The following ZFAND3 variants were observed in gnomAD, a reference collection of about 807,000 sequenced individuals.
ZFAND3 encodes zinc finger AN1-type containing 3, also known as AN1-type zinc finger protein 3.
A neutral mutation model predicts 29.6 loss-of-function variants in ZFAND3; 10 were observed. The observed-to-expected ratio is 0.34, with a 90% CI of 0.21 to 0.57. ZFAND3 has a LOEUF of 0.57. Ranked by LOEUF, ZFAND3 falls within the 20% of genes least tolerant of loss-of-function variation. The pLI, the probability that ZFAND3 is intolerant of heterozygous loss-of-function variation, is 0.86. For synonymous variants in ZFAND3, 128 were observed against 112.6 expected (o/e 1.14, Z -0.87); for missense variants, 230 against 304.5 (o/e 0.76, Z 1.82).
intron 2 of ZFAND3, among the ~76,000 whole-genome samples, chr6:38,034,694 A>G (rs1007136585): frequency 3.9e-5 from 6 of 152,182 alleles, no homozygotes; most frequent in African/African-American, 9.7e-5. Context: ...CTCCCCAAAT[A>G]GGGACTTCTA....
At chr6:37,926,375 A>T (rs1240387791) in intron 1 of ZFAND3, among the ~76,000 whole-genome samples, 1 of 152,024 alleles carries the variant, frequency 6.6e-6, no homozygotes, top group Non-Finnish European at 1.5e-5. Context: ...TCCATTCTTC[A>T]CCTCTTCCAG....
chr6:37,873,534 A>G (rs1051788404), intron 1 of ZFAND3, among the ~76,000 whole-genome samples: 1 of 145,794 alleles, frequency 6.9e-6, no homozygotes, highest in African/African-American at 2.7e-5. Context: ...TCCGTCACAT[A>G]AGTTCTTGCT....
chr6:38,061,894 A>C, intron 3 of ZFAND3, 119 bp downstream of exon 3: 1 of 1,227,382 alleles, frequency 8.1e-7, no homozygotes, highest in Non-Finnish European at 1.1e-6. Flanking sequence ...ATAAGTGTCC[A>C]CATACAAGGC....
At chr6:37,844,668 G>T (rs1230344742) in intron 1 of ZFAND3, among the ~76,000 whole-genome samples, 1 of 151,918 alleles carries the variant, frequency 6.6e-6, no homozygotes, top group African/African-American at 2.4e-5. Context: ...GCTGGCTGAG[G>T]TTCTGCTTAC....
chr6:38,087,565 A>G (rs1385747517), intron 4 of ZFAND3, among the ~76,000 whole-genome samples: 2 of 152,238 alleles, frequency 1.3e-5, no homozygotes, highest in Admixed American at 1.3e-4. Flanking sequence ...AGACCTATGA[A>G]TGGCAAACAG....
intron 1 of ZFAND3, among the ~76,000 whole-genome samples, chr6:37,906,981 C>G (rs765039061): frequency 6.6e-6 from 1 of 151,786 alleles, no homozygotes; most frequent in Admixed American, 6.6e-5. Flanking sequence ...AAATTTATTT[C>G]GGAATATAAA....
intron 3 of ZFAND3, among the ~76,000 whole-genome samples, chr6:38,070,281 T>C (rs1475141697): frequency 6.6e-6 from 1 of 151,932 alleles, no homozygotes; most frequent in African/African-American, 2.4e-5. Flanking sequence ...AAAATTAGCC[T>C]GGCATGGTGT....
intron 2 of ZFAND3, among the ~76,000 whole-genome samples, chr6:37,945,613 G>C (rs1761887720): frequency 6.6e-6 from 1 of 152,128 alleles, no homozygotes; most frequent in African/African-American, 2.4e-5. Flanking sequence ...GAACTCCAGT[G>C]ATCCACCTGC....
intron 1 of ZFAND3, among the ~76,000 whole-genome samples, chr6:37,830,160 C>T (rs779502833): frequency 7.9e-5 from 12 of 151,954 alleles, no homozygotes; most frequent in Admixed American, 3.9e-4. Context: ...TTTAAAGTTG[C>T]GGTGCAGAAA....
At chr6:37,972,752 T>G (rs764609664) in intron 2 of ZFAND3, among the ~76,000 whole-genome samples, 2 of 152,076 alleles carry the variant, frequency 1.3e-5, no homozygotes, top group Non-Finnish European at 2.9e-5. Context: ...CTGAAGGTAC[T>G]TAAAATGGGT....
chr6:38,020,583 G>A (rs891380848), intron 2 of ZFAND3, among the ~76,000 whole-genome samples: 2 of 152,202 alleles, frequency 1.3e-5, no homozygotes, highest in Non-Finnish European at 2.9e-5. Context: ...GTAATGGCAT[G>A]TGGATAAAAA....
intron 2 of ZFAND3, among the ~76,000 whole-genome samples, chr6:38,002,231 T>C (rs1452078842): frequency 6.6e-6 from 1 of 151,772 alleles, no homozygotes; most frequent in African/African-American, 2.4e-5. Context: ...ACAAAGATGA[T>C]ACCCTCAGGA....
chr6:37,926,063 G>A (rs1761478559), intron 1 of ZFAND3, among the ~76,000 whole-genome samples: 1 of 152,196 alleles, frequency 6.6e-6, no homozygotes, highest in Non-Finnish European at 1.5e-5. Flanking sequence ...AGGAGCAGTA[G>A]CAAAGGTGGC....
chr6:38,127,595 T>C (rs1378811820), intron 5 of ZFAND3, among the ~76,000 whole-genome samples: 1 of 152,162 alleles, frequency 6.6e-6, no homozygotes, highest in East Asian at 1.9e-4. Context: ...TGTTTAGAAA[T>C]GCTTTGTTTG....
chr6:38,046,615 T>A (rs1209905088), intron 2 of ZFAND3, among the ~76,000 whole-genome samples: 2 of 152,158 alleles, frequency 1.3e-5, no homozygotes, highest in Admixed American at 1.3e-4. Context: ...AATAAAAAAA[T>A]TTAATACATT....
chr6:38,049,742 A>G (rs182222072), intron 2 of ZFAND3, among the ~76,000 whole-genome samples: 1 of 152,242 alleles, frequency 6.6e-6, no homozygotes, highest in East Asian at 1.9e-4. Context: ...TCCCCCTGAT[A>G]TGCTTTAATA....
chr6:37,914,054 T>A (rs1761183866), intron 1 of ZFAND3, among the ~76,000 whole-genome samples: 1 of 152,112 alleles, frequency 6.6e-6, no homozygotes, highest in Non-Finnish European at 1.5e-5. Context: ...AATGTATTTC[T>A]TAATAAGACT....
chr6:37,875,720 G>T (rs539570567), intron 1 of ZFAND3, among the ~76,000 whole-genome samples: 19 of 151,394 alleles, frequency 1.3e-4, no homozygotes, highest in Non-Finnish European at 2.2e-4. Context: ...GTGCAGTGGG[G>T]CAATCACAGT....
rs148851693 is a variant in ZFAND3, at chr6:37,821,582, G to T, written c.71+1566G>T. Among the ~76,000 whole-genome samples, 5 of 152,278 alleles carry T rather than the reference G, an allele frequency of 3.3e-5. No individual in the cohort carries two copies. The East Asian group carries it at 9.6e-4, about 29-fold the overall frequency. On this transcript the variant is annotated intron_variant, in intron 1 of 5. Coordinates refer to ENST00000287218, the MANE Select transcript of ZFAND3 (RefSeq NM_021943.3). ...GCTGGTGAGCTCTTTAGAGTGCGTA[G>T]TACCATCATGTTTATGGTATCAGTC... is the stretch of plus-strand genomic sequence containing the variant.
Sources: allele counts gnomAD v4.1 joint callset (sites outside exome capture counted in the v4.1 genomes callset), GRCh38; gene constraint gnomAD v4.1.1; transcripts MANE v1.5; gene names NCBI Gene and HGNC (gene_info 2026-07-23, HGNC 2026-07-21).